The following KLF12 variants were observed in gnomAD, a reference collection of about 807,000 sequenced individuals.
KLF12 encodes the protein KLF transcription factor 12.
KLF12 carries 9 observed loss-of-function variants against 37.8 expected under a neutral mutation model. The ratio of observed to expected loss-of-function variants is 0.24; its 90% CI spans 0.14 to 0.42. The LOEUF is 0.42. Among genes scored for constraint, KLF12 ranks in the 10% least tolerant of loss-of-function variants. The pLI is 1.00. For missense variants in KLF12, 411 were observed against 516.0 expected, an observed-to-expected ratio of 0.80 and a Z score of 1.97; for synonymous variants, 208 against 202.1, an observed-to-expected ratio of 1.03 and a Z score of -0.25.
chr13:74,220,955 T>G, the KLF12 span, among the ~76,000 whole-genome samples: 2 of 152,134 alleles, frequency 1.3e-5, no homozygotes, highest in Admixed American at 1.3e-4. Context: ...TTGTCTAGCC[T>G]GCCATTTATG....
At chr13:74,141,043 T>C in the KLF12 span, among the ~76,000 whole-genome samples, 3 of 151,614 alleles carry the variant, frequency 2.0e-5, no homozygotes, top group Admixed American at 6.6e-5. Context: ...CCAGCCTGGG[T>C]GACAGAGGGA....
At chr13:74,220,747 A>G in the KLF12 span, among the ~76,000 whole-genome samples, 2 of 152,228 alleles carry the variant, frequency 1.3e-5, no homozygotes, top group South Asian at 2.1e-4. Context: ...TTTGCACTCC[A>G]CATATAAGAT....
chr13:74,059,692 G>A (rs1383670084), intron 1 of KLF12, among the ~76,000 whole-genome samples: 1 of 152,024 alleles, frequency 6.6e-6, no homozygotes, highest in Non-Finnish European at 1.5e-5. Flanking sequence ...ATTATCAGAG[G>A]CATAATTTGC....
At chr13:73,794,015 T>C (rs937030203) in intron 5 of KLF12, among the ~76,000 whole-genome samples, 1 of 152,144 alleles carries the variant, frequency 6.6e-6, no homozygotes, top group Admixed American at 6.5e-5. Context: ...CATAATTTAG[T>C]CCAAACTCCT....
rs1566380020 is a variant in KLF12, at chr13:73,805,615, AGGG to A, written c.806+7534_806+7536del. Among the ~76,000 whole-genome samples the A allele has an allele frequency of 1.1e-3, 39 of 37,036 alleles. 1 individual carries two copies. In the South Asian group the frequency reaches 0.025, roughly 24 times the overall value. The allele number at this position is 37,036 out of a possible 152,430, so 24.3% of individuals were successfully genotyped here. A position where few individuals can be genotyped will look rare whatever the true frequency, so the allele number is the denominator to read the frequency against. ...ACAGAGGCACTGTCAGAAGGAAGGG[AGGG>A]AGGGAGGGAGGGAGGGAGGGAGGGA... On this transcript the variant is annotated intron_variant, in intron 5 of 7. Transcript: ENST00000377669.
chr13:73,885,384 C>T (rs951601412), intron 3 of KLF12, among the ~76,000 whole-genome samples: 5 of 152,194 alleles, frequency 3.3e-5, no homozygotes, highest in African/African-American at 7.2e-5. Flanking sequence ...TCCAAATACA[C>T]CCCATATTGG....
the KLF12 span, among the ~76,000 whole-genome samples, chr13:74,201,132 GT>G: frequency 6.6e-6 from 1 of 152,164 alleles, no homozygotes; most frequent in African/African-American, 2.4e-5. Flanking sequence ...AAAGAAATGT[GT>G]GTGTCCCAGA....
chr13:74,033,062 C>T (rs545749363), intron 1 of KLF12, among the ~76,000 whole-genome samples: 1 of 152,268 alleles, frequency 6.6e-6, no homozygotes, highest in African/African-American at 2.4e-5. Flanking sequence ...TTTTCTCCAT[C>T]TTTTCCTCTT....
intron 1 of KLF12, among the ~76,000 whole-genome samples, chr13:73,999,140 C>T (rs1287887114): frequency 1.3e-5 from 2 of 152,178 alleles, no homozygotes; most frequent in South Asian, 2.1e-4. Context: ...CTTCACTTTC[C>T]ATTTCAGGTA....
At chr13:73,942,725 T>C (rs181877333) in intron 3 of KLF12, among the ~76,000 whole-genome samples, 150 of 152,306 alleles carry the variant, frequency 9.8e-4, no homozygotes, top group Non-Finnish European at 1.7e-3. Flanking sequence ...TTATATCATG[T>C]ATAGGACTGT....
chr13:73,817,331 A>G (rs529991969), intron 4 of KLF12, among the ~76,000 whole-genome samples: 1 of 132,376 alleles, frequency 7.6e-6, no homozygotes, highest in East Asian at 2.8e-4. Flanking sequence ...AAAAAAAAGA[A>G]AAGAAAAAAA....
At chr13:74,060,201 T>A (rs1331435315) in intron 1 of KLF12, among the ~76,000 whole-genome samples, 1 of 152,202 alleles carries the variant, frequency 6.6e-6, no homozygotes, top group Non-Finnish European at 1.5e-5. Context: ...ATGATGCCTC[T>A]AGCTTTGCTC....
At position 73,722,890 on chromosome 13, in the gene KLF12, G is replaced by A. The variant is rs139309775; in HGVS notation, c.870-7365C>T. Among the ~76,000 whole-genome samples, 304 of 152,258 alleles carry A rather than the reference G, an allele frequency of 2.0e-3. 1 individual carries two copies. Among genetic ancestry groups the A allele is most frequent in the African/African-American group, 6.7e-3 (280 of 41,552 alleles). The stretch of plus-strand genomic sequence containing the variant: ...TTAAAAGATAATGGTTTACAAATGA[G>A]CCTTTTGGGCGCCCAAGGGGTGCCC... On this transcript the variant is annotated intron_variant, in intron 6 of 7. Transcript: ENST00000377669.
At chr13:73,992,140 C>A (rs537611568) in intron 2 of KLF12, among the ~76,000 whole-genome samples, 4 of 152,282 alleles carry the variant, frequency 2.6e-5, no homozygotes, top group African/African-American at 9.6e-5. Context: ...CTGCTCTAAG[C>A]CAGCTGCTGA....
intron 3 of KLF12, among the ~76,000 whole-genome samples, chr13:73,856,318 T>C (rs181608831): frequency 5.3e-5 from 8 of 152,270 alleles, no homozygotes; most frequent in African/African-American, 1.9e-4. Context: ...GGGATGCTTA[T>C]CCATCAGAAA....
chr13:73,755,344 A>G (rs1879082040), intron 6 of KLF12, among the ~76,000 whole-genome samples: 1 of 152,208 alleles, frequency 6.6e-6, no homozygotes, highest in Non-Finnish European at 1.5e-5. Context: ...ACAGGATGGA[A>G]GAGAAGATTT....
At chr13:74,083,537 C>CAA (rs1253603741) in intron 1 of KLF12, among the ~76,000 whole-genome samples, 1 of 144,396 alleles carries the variant, frequency 6.9e-6, no homozygotes, top group Non-Finnish European at 1.5e-5. Flanking sequence ...CACACACACA[C>CAA]ACAAACATTT....
At chr13:74,207,779 A>G in the KLF12 span, among the ~76,000 whole-genome samples, 1 of 152,182 alleles carries the variant, frequency 6.6e-6, no homozygotes, top group African/African-American at 2.4e-5. Context: ...TCAGCTTTCA[A>G]ACCACTAGGG....
chr13:73,796,387 CT>C (rs1249243750), intron 5 of KLF12, among the ~76,000 whole-genome samples: 3 of 130,102 alleles, frequency 2.3e-5, no homozygotes, highest in Admixed American at 7.7e-5. Context: ...CCTCAACTAA[CT>C]AAACAGGCTT....
Sources: allele counts gnomAD v4.1 joint callset (sites outside exome capture counted in the v4.1 genomes callset), GRCh38; gene constraint gnomAD v4.1.1; transcripts MANE v1.5; gene names NCBI Gene and HGNC (gene_info 2026-07-23, HGNC 2026-07-21).